ZNF875: variants seen among roughly 807,000 people sequenced by gnomAD.
The protein encoded by ZNF875 is HKR1, GLI-Kruppel zinc finger family member.
ZNF875 carries 14 observed loss-of-function variants against 11.2 expected under a neutral mutation model. The observed-to-expected ratio is 1.26, with a 90% CI of 0.83 to 1.96. ZNF875 has a LOEUF of 1.96. ZNF875 is among the 30% of genes most tolerant of loss of function. The pLI is 0.00. For missense variants in ZNF875, 752 were observed against 760.4 expected (o/e 0.99, Z 0.13); for synonymous variants, 301 against 281.1 (o/e 1.07, Z -0.71).
chr19:37,331,038 T>A (rs1254776565), upstream of ZNF875, among the ~76,000 whole-genome samples: 3 of 151,556 alleles, frequency 2.0e-5, no homozygotes, highest in East Asian at 2.0e-4. Flanking sequence ...TACAAAAAAA[T>A]TAGCCAGGCG....
At chr19:37,354,092 C>G (rs78814389) in intron 4 of ZNF875, among the ~76,000 whole-genome samples, 3,753 of 151,658 alleles carry the variant, frequency 0.025, 174 homozygotes, top group African/African-American at 0.085. Context: ...TCTTTTTTCT[C>G]TTTTTTGAGG....
intron 4 of ZNF875, among the ~76,000 whole-genome samples, chr19:37,360,959 T>G (rs1325725331): frequency 1.3e-5 from 2 of 151,834 alleles, no homozygotes; most frequent in Non-Finnish European, 1.5e-5. Flanking sequence ...TTATCTTATA[T>G]GACCTAAGTA....
chr19:37,325,694 C>T (rs1160862224), intron 4 of ZNF875, among the ~76,000 whole-genome samples: 1 of 151,768 alleles, frequency 6.6e-6, no homozygotes, highest in Non-Finnish European at 1.5e-5. Flanking sequence ...TACAGGCACA[C>T]ACCACCATGC....
chr19:37,359,756 ATTCTT>A (rs1357051684), intron 4 of ZNF875: 7 of 178,928 alleles, frequency 3.9e-5, no homozygotes, highest in South Asian at 2.6e-4. Flanking sequence ...TGCCTATTCA[ATTCTT>A]TTCTTTATTT....
intron 4 of ZNF875, among the ~76,000 whole-genome samples, chr19:37,327,408 T>C (rs2032658837): frequency 6.6e-6 from 1 of 152,196 alleles, no homozygotes. Flanking sequence ...TTTGCATCAT[T>C]GAACATTTTT....
At chr19:37,336,170 GTTTGTTAA>G (rs2034355475) in intron 2 of ZNF875, among the ~76,000 whole-genome samples, 1 of 152,138 alleles carries the variant, frequency 6.6e-6, no homozygotes, top group African/African-American at 2.4e-5. Context: ...CCCCTGACTG[GTTTGTTAA>G]GTTGGAGATT....
chr19:37,330,416 C>T (rs899698624), upstream of ZNF875, among the ~76,000 whole-genome samples: 1 of 152,192 alleles, frequency 6.6e-6, no homozygotes, highest in African/African-American at 2.4e-5. Flanking sequence ...ACCTTTTACA[C>T]CTAGCCTGAT....
intron 1 of ZNF875, 86 bp from the exon 2 acceptor site, chr19:37,335,083 C>A: frequency 1.6e-6 from 1 of 624,712 alleles, no homozygotes; most frequent in African/African-American, 1.8e-5. Context: ...CAGACCCCAA[C>A]TGTGGGGCTC....
intron 4 of ZNF875, among the ~76,000 whole-genome samples, chr19:37,361,125 T>C (rs2039839090): frequency 6.7e-6 from 1 of 148,264 alleles, no homozygotes; most frequent in African/African-American, 2.5e-5. Flanking sequence ...TTTTTTTTTT[T>C]TTTTGAGACA....
At chr19:37,323,170 T>TC (rs1240094227) in intron 2 of ZNF875, among the ~76,000 whole-genome samples, 1 of 151,690 alleles carries the variant, frequency 6.6e-6, no homozygotes, top group African/African-American at 2.4e-5. Flanking sequence ...CTTTTTTTTT[T>TC]TGAAACAGAG....
intron 2 of ZNF875, among the ~76,000 whole-genome samples, chr19:37,335,819 A>G (rs746129769): frequency 2.0e-5 from 3 of 152,324 alleles, no homozygotes; most frequent in East Asian, 1.9e-4. Context: ...CCGTTTAATC[A>G]TATAACCTCC....
At chr19:37,350,632 G>A (rs2037696877) in intron 4 of ZNF875, among the ~76,000 whole-genome samples, 1 of 151,374 alleles carries the variant, frequency 6.6e-6, no homozygotes, top group Admixed American at 6.6e-5. Flanking sequence ...TTGCTCTATA[G>A]TAGTATGAAA....
chr19:37,339,700 GATTAC>G (rs2035289490), intron 2 of ZNF875, among the ~76,000 whole-genome samples: 1 of 150,892 alleles, frequency 6.6e-6, no homozygotes, highest in East Asian at 2.0e-4. Flanking sequence ...GAGTAGCTGG[GATTAC>G]AGGTGCCCGC....
upstream of ZNF875, among the ~76,000 whole-genome samples, chr19:37,314,011 TTTTA>T (rs976269313): frequency 2.1e-4 from 32 of 152,244 alleles, no homozygotes; most frequent in South Asian, 1.5e-3. Flanking sequence ...GGATGTGGGT[TTTTA>T]TTTATTTATT....
chr19:37,317,066 C>T (rs1228008031), upstream of ZNF875: 2 of 151,894 alleles, frequency 1.3e-5, no homozygotes, highest in African/African-American at 4.8e-5. Context: ...TCTCCACCTC[C>T]CGGGTTCAAA....
At position 37,347,771 on chromosome 19, in the gene ZNF875, G is replaced by T; in HGVS notation, c.161-6G>T. ...ACAATGTCCTCATTTTCTTCCCTAT[G>T]AACAGAAATTCCATCTTCTAAACCA... On this transcript the variant is annotated splice_region_variant and splice_polypyrimidine_tract_variant and intron_variant, in intron 3 of 4. Transcript: ENST00000392153. 6.3e-7 allele frequency: 1 copy of T among 1,596,776 alleles called. No individual in the cohort carries two copies. Among genetic ancestry groups the T allele is most frequent in the South Asian group, 1.1e-5 (1 of 90,676 alleles).
chr19:37,362,863 T>TTA lies in ZNF875; in HGVS notation c.1013_1014dup (p.Val339MetfsTer12). On this transcript the variant is annotated frameshift_variant, in exon 5 of 5. Transcript: ENST00000392153. LOFTEE classifies it low-confidence loss of function (END_TRUNC). ...AGCGGACACACTCAGGGCTCAAGCCTTATGTGTGCAAGGAATGTGGGCAGA... is the reference window on the plus strand; with the variant it reads ...AGCGGACACACTCAGGGCTCAAGCCTTATATGTGTGCAAGGAATGTGGGCAGA... 6.2e-7 allele frequency: 1 copy of TTA among 1,613,992 alleles called. No homozygotes were observed. Among genetic ancestry groups the TTA allele is most frequent in the Non-Finnish European group, 8.5e-7 (1 of 1,179,990 alleles).
At chr19:37,359,432 C>G (rs1220458974) in intron 4 of ZNF875, 1 of 250,496 alleles carries the variant, frequency 4.0e-6, no homozygotes, top group Non-Finnish European at 8.1e-6. Context: ...TTAGATGGAG[C>G]CTTGCTCTGT....
chr19:37,358,002 G>T (rs561203404), intron 4 of ZNF875: 3 of 398,360 alleles, frequency 7.5e-6, no homozygotes, highest in African/African-American at 6.2e-5. Flanking sequence ...TATGAAGTTG[G>T]CTGTAGGTCT....
Sources: gnomAD v4.1 joint callset for allele counts (sites outside exome capture counted in the v4.1 genomes callset) on GRCh38, gnomAD v4.1.1 for gene constraint, MANE v1.5 for transcripts, NCBI Gene and HGNC (gene_info 2026-07-23, HGNC 2026-07-21) for gene names.